Variants in DST observed in about 807,000 individuals in gnomAD.
The protein encoded by DST is bullous pemphigoid antigen.
In DST, 253 loss-of-function variants were observed where a neutral mutation model predicts 875.2. That is an observed-to-expected ratio of 0.29 (90% CI 0.26 to 0.32). The LOEUF is 0.32. Ranked by LOEUF, DST falls within the 10% of genes least tolerant of loss-of-function variation. DST has a pLI of 1.00. For missense variants in DST, 8,287 were observed against 9,111.6 expected, an observed-to-expected ratio of 0.91 and a Z score of 3.68; for synonymous variants, 3,124 against 3,197.1, an observed-to-expected ratio of 0.98 and a Z score of 0.77.
At chr6:56,462,986 G>T in intron 102 of DST, 60 bp downstream of exon 102, 3 of 946,282 alleles carry the variant, frequency 3.2e-6, no homozygotes, top group Non-Finnish European at 5.0e-6. Context: ...AACGATGTTA[G>T]TGAGTGATAG....
At chr6:56,742,101 AG>A (rs35263604) in intron 4 of DST, among the ~76,000 whole-genome samples, 1 of 152,214 alleles carries the variant, frequency 6.6e-6, no homozygotes, top group Non-Finnish European at 1.5e-5. Flanking sequence ...AACAATAGGC[AG>A]GGGAGTTCTC....
At chr6:56,584,002 A>G (rs1249976607) in intron 49 of DST, among the ~76,000 whole-genome samples, 9 of 152,126 alleles carry the variant, frequency 5.9e-5, no homozygotes, top group Middle Eastern at 3.4e-3. Context: ...GTAGCCTTGT[A>G]GTATAGTTTG....
chr6:56,618,755 T>C, intron 36 of DST: 1 of 1,614,168 alleles, frequency 6.2e-7, no homozygotes, highest in East Asian at 2.2e-5. Context: ...CTCCATTAAT[T>C]TTTCCATCTT....
At chr6:56,583,520 C>T (rs1185642807) in intron 49 of DST, among the ~76,000 whole-genome samples, 1 of 152,042 alleles carries the variant, frequency 6.6e-6, no homozygotes, top group Non-Finnish European at 1.5e-5. Context: ...GAGTAGGTTA[C>T]GAAAATTTTC....
At chr6:56,869,888 G>A (rs1192489263) in intron 3 of DST, among the ~76,000 whole-genome samples, 1 of 151,864 alleles carries the variant, frequency 6.6e-6, no homozygotes, top group African/African-American at 2.4e-5. Flanking sequence ...GTCTTGTTAT[G>A]TTGCCCAGGC....
At chr6:56,679,467 G>T (rs2099146363) in intron 9 of DST, among the ~76,000 whole-genome samples, 1 of 151,784 alleles carries the variant, frequency 6.6e-6, no homozygotes, top group Admixed American at 6.6e-5. Flanking sequence ...ATTGCTTTTA[G>T]TTATTTACTA....
chr6:56,860,563 C>T lies in DST; in HGVS notation c.418-8959G>A, dbSNP rs565758188. On this transcript the variant is annotated intron_variant, in intron 3 of 103. Coordinates refer to ENST00000680361, the MANE Select transcript of DST (RefSeq NM_001374736.1). ...TGTAAATGCTGGCTCAGGCTCCCGA[C>T]GAATCTAGCTGGACCCACCCACCCA... 5.9e-5 allele frequency among the ~76,000 whole-genome samples: 9 copies of T among 152,266 alleles called. No individual in the cohort carries two copies. The South Asian group carries it at 6.2e-4, about 11-fold the overall frequency.
chr6:56,607,459 A>G lies in DST; in HGVS notation c.7169T>C (p.Ile2390Thr). The G allele has an allele frequency of 6.2e-7, 1 of 1,602,340 alleles. No individual in the cohort carries two copies. Among genetic ancestry groups the G allele is most frequent in the Non-Finnish European group, 8.5e-7 (1 of 1,173,442 alleles). The change falls in exon 40 of 104, where the codon ATT (isoleucine) becomes ACT (threonine). Residue 2390 changes from isoleucine to threonine, a missense_variant. By Grantham distance (89) the Ile-to-Thr change is moderately conservative. Coordinates refer to ENST00000680361, the MANE Select transcript of DST (RefSeq NM_001374736.1). ...TATTAAATCACTTGGAAAGTTTTGAATGTTTTTAGAATGACTACATTCATT... is the reference window on the plus strand; with the variant it reads ...TATTAAATCACTTGGAAAGTTTTGAGTGTTTTTAGAATGACTACATTCATT... ...RANECSHSKNIQNFPSDLIEN... is the reference protein window; with the variant it reads ...RANECSHSKNTQNFPSDLIEN...
chr6:56,927,448 C>G (rs570263079), intron 2 of DST, among the ~76,000 whole-genome samples: 1 of 152,096 alleles, frequency 6.6e-6, no homozygotes, highest in African/African-American at 2.4e-5. Context: ...ATGGATTTCC[C>G]TGAAAGAGAA....
intron 3 of DST, among the ~76,000 whole-genome samples, chr6:56,899,537 T>C (rs945014556): frequency 6.6e-6 from 1 of 152,300 alleles, no homozygotes; most frequent in Admixed American, 6.5e-5. Flanking sequence ...TACAAAGACA[T>C]TTTCAAGCCA....
intron 9 of DST, among the ~76,000 whole-genome samples, chr6:56,686,874 TAA>T (rs1228123235): frequency 6.6e-6 from 1 of 152,228 alleles, no homozygotes; most frequent in Non-Finnish European, 1.5e-5. Context: ...TACAGTCTCC[TAA>T]GTCTTTTTCA....
chr6:56,661,385 T>G (rs1017934721), intron 10 of DST, among the ~76,000 whole-genome samples: 1 of 152,172 alleles, frequency 6.6e-6, no homozygotes, highest in East Asian at 1.9e-4. Flanking sequence ...AAGGGAAACA[T>G]GACAAAGGCA....
intron 4 of DST, among the ~76,000 whole-genome samples, chr6:56,807,509 A>G (rs2099754602): frequency 6.6e-6 from 1 of 152,236 alleles, no homozygotes; most frequent in South Asian, 2.1e-4. Context: ...AGCTATCATC[A>G]TCAAGATGGT....
intron 9 of DST, among the ~76,000 whole-genome samples, 157 bp downstream of exon 9, chr6:56,699,496 A>C (rs189839494): frequency 2.8e-4 from 42 of 152,378 alleles, no homozygotes; most frequent in Non-Finnish European, 5.6e-4. Flanking sequence ...ATTCACAAGC[A>C]GCATGTTGCT....
intron 49 of DST, among the ~76,000 whole-genome samples, chr6:56,585,437 G>A (rs1486918997): frequency 6.6e-6 from 1 of 151,998 alleles, no homozygotes; most frequent in East Asian, 1.9e-4. Flanking sequence ...GATTGGTGGT[G>A]ATATCCCCTT....
At chr6:56,632,510 T>A (rs1410220129) in intron 28 of DST, among the ~76,000 whole-genome samples, 1 of 152,188 alleles carries the variant, frequency 6.6e-6, no homozygotes, top group Non-Finnish European at 1.5e-5. Context: ...GCAAAAACCT[T>A]TTGCTTTAAT....
chr6:56,902,837 A>G (rs1442291812), intron 2 of DST, among the ~76,000 whole-genome samples: 1 of 152,234 alleles, frequency 6.6e-6, no homozygotes, highest in African/African-American at 2.4e-5. Flanking sequence ...AGTTTAGACC[A>G]CACACATCAA....
chr6:56,506,899 C>T (rs765793050), intron 75 of DST, 110 bp from the exon 76 acceptor site: 44 of 1,205,878 alleles, frequency 3.6e-5, no homozygotes, highest in Admixed American at 5.6e-5. Flanking sequence ...GCATTCTAAT[C>T]ATTTTTCTGT....
rs1234182030 is a variant in DST, at chr6:56,606,809, C to T, written c.7819G>A (p.Asp2607Asn). The change falls in exon 40 of 104, where the codon GAT (aspartate) becomes AAT (asparagine). Residue 2607 changes from aspartate to asparagine, a missense_variant. Transcript: ENST00000680361. ...DQQNNTGTDTDSDDDFYDTPL... is the reference protein window; with the variant it reads ...DQQNNTGTDTNSDDDFYDTPL... ...GTATCATAAAAATCATCATCACTAT[C>T]AGTGTCTGTTCCTGTGTTATTCTGC... 5 of 1,613,230 alleles carry T rather than the reference C, an allele frequency of 3.1e-6. No individual in the cohort carries two copies. The highest frequency in any genetic ancestry group is 4.2e-6 in the Non-Finnish European group (5 of 1,179,580).
Sources: gnomAD v4.1 joint callset for allele counts (sites outside exome capture counted in the v4.1 genomes callset) on GRCh38, gnomAD v4.1.1 for gene constraint, MANE v1.5 for transcripts, NCBI Gene and HGNC (gene_info 2026-07-23, HGNC 2026-07-21) for gene names.